Variants in SLC45A2 observed in about 807,000 individuals in gnomAD.
The protein encoded by SLC45A2 is membrane-associated transporter protein.
A neutral mutation model predicts 45.5 loss-of-function variants in SLC45A2; 36 were observed. That is an observed-to-expected ratio of 0.79 (90% CI 0.61 to 1.04). The LOEUF is 1.04. Ranked by LOEUF, SLC45A2 falls within the 50% of genes least tolerant of loss-of-function variation. The pLI is 0.00. For synonymous variants in SLC45A2, 306 were observed against 269.3 expected, an observed-to-expected ratio of 1.14 and a Z score of -1.33; for missense variants, 719 against 671.0, an observed-to-expected ratio of 1.07 and a Z score of -0.79.
At chr5:33,947,984 A>T (rs1423770359) in intron 5 of SLC45A2, among the ~76,000 whole-genome samples, 1 of 152,232 alleles carries the variant, frequency 6.6e-6, no homozygotes, top group Non-Finnish European at 1.5e-5. Context: ...CACAGCACCC[A>T]GCATCTCCTC....
At position 33,949,162 on chromosome 5, in the gene SLC45A2, G is replaced by A. The variant is rs1278949264; in HGVS notation, c.1157-1788C>T. On this transcript the variant is annotated intron_variant, in intron 5 of 6. Coordinates refer to ENST00000296589, the MANE Select transcript of SLC45A2 (RefSeq NM_016180.5). ...GTATACAAAAGGAGCTTAGAAACAA[G>A]TCCCTATCAGCACTCTCCACCTCAG... 3.3e-5 allele frequency among the ~76,000 whole-genome samples: 5 copies of A among 152,302 alleles called. No individual in the cohort carries two copies. In the East Asian group the frequency reaches 9.6e-4, roughly 29 times the overall value.
rs780423300 is a variant in SLC45A2, at chr5:33,982,386, G to A, written c.412C>T (p.Leu138=). Residue 138 remains leucine, a synonymous_variant, in exon 2 of 7, where the codon CTG becomes TTG. Coordinates refer to ENST00000296589, the MANE Select transcript of SLC45A2 (RefSeq NM_016180.5). ...AALIANPRRK[L]VWAISVTMIG... ...ATGGTGACACTTATGGCCCAAACCA[G>A]CTTCCTCCTTGGGTTAGCAATCAAA... 4 of 1,614,036 alleles carry A rather than the reference G, an allele frequency of 2.5e-6. No individual in the cohort carries two copies. Among genetic ancestry groups the A allele is most frequent in the Non-Finnish European group, 3.4e-6 (4 of 1,180,034 alleles).
At position 33,963,893 on chromosome 5, in the gene SLC45A2, C is replaced by T. The variant is rs769099171; in HGVS notation, c.686G>A (p.Cys229Tyr). 2.5e-6 allele frequency: 4 copies of T among 1,614,144 alleles called. No homozygotes were observed. The East Asian group carries it at 8.9e-5, about 36-fold the overall frequency. ...FFFSALVLTL[C>Y]FTVHLCSISE... is the part of the protein sequence containing the mutation. ...GATACTGCACAGATGAACAGTAAAACACAAAGTGAGCACCAATGCAGAGAA... is the reference window on the plus strand; with the variant it reads ...GATACTGCACAGATGAACAGTAAAATACAAAGTGAGCACCAATGCAGAGAA... The change falls in exon 3 of 7, where the codon TGT becomes TAT. Residue 229 changes from cysteine (C) to tyrosine (Y), a missense_variant. Cys to Tyr is a radical substitution (Grantham distance 194). Coordinates refer to ENST00000296589, the MANE Select transcript of SLC45A2 (RefSeq NM_016180.5).
At chr5:33,977,870 A>T (rs1320299588) in intron 2 of SLC45A2, among the ~76,000 whole-genome samples, 1 of 152,216 alleles carries the variant, frequency 6.6e-6, no homozygotes, top group Non-Finnish European at 1.5e-5. Flanking sequence ...TTATTTACCC[A>T]TGAGGCACAT....
intron 5 of SLC45A2, among the ~76,000 whole-genome samples, chr5:33,948,692 AGCT>A (rs1752009847): frequency 1.3e-5 from 2 of 152,334 alleles, no homozygotes; most frequent in African/African-American, 2.4e-5. Context: ...ATGAGAATAA[AGCT>A]AGAACAGTTT....
Position 33,982,290 on chromosome 5 carries a change from C to T in SLC45A2, c.508G>A (p.Val170Ile). The change falls in exon 2 of 7, where the codon GTC becomes ATC. Residue 170 changes from valine (V) to isoleucine (I), a missense_variant. By Grantham distance (29) the Val-to-Ile change is conservative. Coordinates refer to ENST00000296589, the MANE Select transcript of SLC45A2 (RefSeq NM_016180.5). ...DGPIKAYLFD[V>I]CSHQDKEKGL... ...TTCTCCTTGTCCTGATGGGAGCAGA[C>T]ATCAAATAAGTAGGCTTTGATGGGC... The T allele has an allele frequency of 6.2e-7, 1 of 1,614,112 alleles. No homozygotes were observed. The highest frequency in any genetic ancestry group is 8.5e-7 in the Non-Finnish European group (1 of 1,180,010).
chr5:33,972,793 G>A (rs917189223), intron 2 of SLC45A2, among the ~76,000 whole-genome samples: 1 of 152,188 alleles, frequency 6.6e-6, no homozygotes, highest in African/African-American at 2.4e-5. Flanking sequence ...TTTTAGGACT[G>A]ATATGGAAGT....
Position 33,984,276 on chromosome 5 carries a change from C to T in SLC45A2, c.308G>A (p.Arg103Lys). The T allele has an allele frequency of 6.2e-7, 1 of 1,614,188 alleles. No homozygotes were observed. Among genetic ancestry groups the T allele is most frequent in the Non-Finnish European group, 8.5e-7 (1 of 1,180,036 alleles). Residue 103 changes from arginine (R) to lysine (K), a missense_variant, in exon 1 of 7, where the codon AGA becomes AAA. Physicochemically the swap from Arg to Lys is conservative, Grantham distance 26. Coordinates refer to ENST00000296589, the MANE Select transcript of SLC45A2 (RefSeq NM_016180.5). The stretch of plus-strand genomic sequence containing the variant: ...GACTCCCAGGGTGAGGATGTAGGGT[C>T]TCCGGCGGCCCCACCTGGACCGGCA... The part of the protein sequence containing the change: ...DHCRSRWGRR[R>K]PYILTLGVMM...
intron 3 of SLC45A2, among the ~76,000 whole-genome samples, chr5:33,959,303 C>T (rs967338319): frequency 5.9e-5 from 9 of 152,110 alleles, no homozygotes; most frequent in East Asian, 5.8e-4. Flanking sequence ...TTTTAATGAC[C>T]GCATGAATGT....
chr5:33,969,065 C>CTCTCTCTCTCTCTCTCTCTCTGTGTGTG, intron 2 of SLC45A2, among the ~76,000 whole-genome samples: 31 of 102,462 alleles, frequency 3.0e-4, no homozygotes, highest in Non-Finnish European at 4.2e-4. Context: ...CTCTCTCTCT[C>CTCTCTCTCTCTCTCTCTCTCTGTGTGTG]TGTGTGTGTG....
Position 33,954,497 on chromosome 5 carries a change from C to G in SLC45A2, c.896G>C (p.Arg299Thr). ...CAGCAGTGACTTTAATGTCATTGCC[C>G]TGCGAGTCTGAAATAAAACATGAAA... The part of the protein sequence containing the change: ...KNKNHAEQTR[R>T]AMTLKSLLRA... The change falls in exon 4 of 7, where the codon AGG (arginine) becomes ACG (threonine). Residue 299 changes from arginine (R) to threonine (T), a missense_variant. Transcript: ENST00000296589. The G allele has an allele frequency of 6.2e-7, 1 of 1,613,802 alleles. No homozygotes were observed. Among genetic ancestry groups the G allele is most frequent in the South Asian group, 1.1e-5 (1 of 91,052 alleles).
At chr5:33,952,527 A>C (rs963828568) in intron 4 of SLC45A2, among the ~76,000 whole-genome samples, 2 of 151,974 alleles carry the variant, frequency 1.3e-5, no homozygotes, top group East Asian at 3.8e-4. Flanking sequence ...AGTAAATCCA[A>C]GTCACAGTAA....
Position 33,951,624 on chromosome 5 carries a change from G to A in SLC45A2, c.1086C>T (p.Ile362=), listed in dbSNP as rs1200412695. ...YSAHNSTEFL[I]YERGVEVGCW... ...ATCCAACCTCGACTCCTCTTTCGTA[G>A]ATGAGAAACTCTGTGGAGTTGTGTG... The change falls in exon 5 of 7, where the codon ATC becomes ATT. Residue 362 remains isoleucine, a synonymous_variant. Transcript: ENST00000296589. 1 of 1,614,196 alleles carries A rather than the reference G, an allele frequency of 6.2e-7. No homozygotes were observed. Among genetic ancestry groups the A allele is most frequent in the African/African-American group, 1.3e-5 (1 of 75,050 alleles).
In SLC45A2 at chr5:33,964,036, A is replaced by G. The variant is rs181196597; in HGVS notation, c.563-20T>C. 4 of 1,611,474 alleles carry G rather than the reference A, an allele frequency of 2.5e-6. No homozygotes were observed. In the South Asian group the frequency reaches 4.4e-5, roughly 18 times the overall value. ...CAAAACCTGGAAAGCAAGAAAAGCT[A>G]TGTTAGCATATTTAGCAAATTATCG... On this transcript the variant is annotated intron_variant, in intron 2 of 6. Coordinates refer to ENST00000296589, the MANE Select transcript of SLC45A2 (RefSeq NM_016180.5).
intron 2 of SLC45A2, among the ~76,000 whole-genome samples, chr5:33,968,724 A>T (rs1752680748): frequency 6.6e-6 from 1 of 152,238 alleles, no homozygotes; most frequent in South Asian, 2.1e-4. Flanking sequence ...AACTCAAGAG[A>T]GTCCATCTAA....
intron 2 of SLC45A2, among the ~76,000 whole-genome samples, chr5:33,981,397 A>G (rs1016339715): frequency 6.6e-6 from 1 of 152,214 alleles, no homozygotes; most frequent in African/African-American, 2.4e-5. Context: ...CCATGGAAGG[A>G]GAGAGAATAC....
intron 3 of SLC45A2, among the ~76,000 whole-genome samples, chr5:33,955,642 TACACACACACACACAAACAC>T (rs1164475718): frequency 6.6e-6 from 1 of 151,336 alleles, no homozygotes; most frequent in Admixed American, 6.6e-5. Flanking sequence ...TATATGTTTA[TACACACACACACACAAACAC>T]ACACACACAC....
At chr5:33,960,990 T>C (rs1752437585) in intron 3 of SLC45A2, among the ~76,000 whole-genome samples, 1 of 152,162 alleles carries the variant, frequency 6.6e-6, no homozygotes, top group South Asian at 2.1e-4. Context: ...GAAAGCAAAA[T>C]AACACATAGG....
chr5:33,961,315 T>A lies in SLC45A2; in HGVS notation c.888+2376A>T, dbSNP rs144461820. On this transcript the variant is annotated intron_variant, in intron 3 of 6. Transcript: ENST00000296589. ...CACTAGTTTTGATGGACCTCCATCA[T>A]CCACCTAATAAAATTTTAGTTCCTA... Among the ~76,000 whole-genome samples the A allele has an allele frequency of 2.2e-4, 33 of 152,292 alleles. 1 individual carries two copies. In the East Asian group the frequency reaches 6.2e-3, roughly 28 times the overall value.
Sources: allele counts gnomAD v4.1 joint callset (sites outside exome capture counted in the v4.1 genomes callset), GRCh38; gene constraint gnomAD v4.1.1; transcripts MANE v1.5; gene names NCBI Gene and HGNC (gene_info 2026-07-23, HGNC 2026-07-21).